Variants in FAM193A observed in about 807,000 individuals in gnomAD.
FAM193A encodes the protein family with sequence similarity 193 member A.
Under a neutral mutation model 126.5 loss-of-function variants are expected in FAM193A, and 22 were observed. The ratio of observed to expected loss-of-function variants is 0.17; its 90% CI spans 0.12 to 0.25. The LOEUF (loss-of-function observed/expected upper bound fraction) is 0.25. Among genes scored for constraint, FAM193A ranks in the 10% least tolerant of loss-of-function variants. The pLI is 1.00. For synonymous variants in FAM193A, 761 were observed against 646.8 expected (o/e 1.18, Z -2.68); for missense variants, 1,675 against 1,672.8 (o/e 1.00, Z -0.02).
chr4:2,659,846 C>G lies in FAM193A; in HGVS notation c.1537C>G (p.Leu513Val). The change falls in exon 10 of 21, where the codon CTC becomes GTC. Residue 513 changes from leucine (L) to valine (V), a missense_variant. Leu to Val is a conservative substitution (Grantham distance 32, BLOSUM62 1). Around this residue, in one of 4 missense-constraint regions of FAM193A, gnomAD observed 1,186 missense variants for 1,109.2 expected, o/e 1.07. Transcript: ENST00000637812. ...CGATGACTGCAGTCTCTCACACATC[C>G]TCACGTGTGGTATCATGGACCCCCC... Reference protein sequence around the residue: ...ACDDCSLSHILTCGIMDPPVT... With the variant: ...ACDDCSLSHIVTCGIMDPPVT... 1 of 1,614,062 alleles carries G rather than the reference C, an allele frequency of 6.2e-7. No homozygotes were observed. Among genetic ancestry groups the G allele is most frequent in the Non-Finnish European group, 8.5e-7 (1 of 1,179,952 alleles).
Position 2,561,309 on chromosome 4 carries a change from G to A in FAM193A, c.255+24139G>A, listed in dbSNP as rs182401927. On this transcript the variant is annotated intron_variant, in intron 1 of 20. Transcript: ENST00000637812. ...CAGTTCTCCCATGTCAGCCTCCTGAGTAGCTGGGAGTACAGGTGCGTACAA... is the reference window on the plus strand; with the variant it reads ...CAGTTCTCCCATGTCAGCCTCCTGAATAGCTGGGAGTACAGGTGCGTACAA... 2.3e-4 allele frequency among the ~76,000 whole-genome samples: 34 copies of A among 150,374 alleles called. No homozygotes were observed. The Admixed American group carries it at 2.3e-3, about 10-fold the overall frequency.
At chr4:2,730,917 C>T (rs1385129669) in intron 20 of FAM193A, among the ~76,000 whole-genome samples, 1 of 151,942 alleles carries the variant, frequency 6.6e-6, no homozygotes, top group African/African-American at 2.4e-5. Flanking sequence ...CTAGGTGTGG[C>T]CAGGCACAGT....
chr4:2,537,550 AC>A (rs1322641623), intron 1 of FAM193A, among the ~76,000 whole-genome samples: 8 of 152,134 alleles, frequency 5.3e-5, no homozygotes, highest in Admixed American at 4.6e-4. Context: ...GGCGGGTGAT[AC>A]CCGCGAGGCC....
intron 15 of FAM193A, among the ~76,000 whole-genome samples, chr4:2,692,032 C>T (rs533293285): frequency 1.3e-5 from 2 of 152,292 alleles, no homozygotes; most frequent in East Asian, 1.9e-4. Context: ...TGGAGTATTT[C>T]TACTGTTCAA....
chr4:2,537,331 G>A (rs985487758), intron 1 of FAM193A, among the ~76,000 whole-genome samples, 161 bp downstream of exon 1: 2 of 152,112 alleles, frequency 1.3e-5, no homozygotes, highest in Non-Finnish European at 2.9e-5. Flanking sequence ...CCGAGGTCCC[G>A]GGGCAGGGCG....
intron 1 of FAM193A, among the ~76,000 whole-genome samples, chr4:2,595,595 G>A (rs907103395): frequency 7.2e-5 from 11 of 152,180 alleles, no homozygotes; most frequent in Non-Finnish European, 1.3e-4. Context: ...CTGGGCCTTG[G>A]ATGTGCAGCT....
At chr4:2,590,326 G>C (rs567209753) in intron 1 of FAM193A, among the ~76,000 whole-genome samples, 1 of 150,606 alleles carries the variant, frequency 6.6e-6, no homozygotes, top group East Asian at 2.0e-4. Context: ...CTGTCTGGGC[G>C]TGGTGGCTCC....
intron 20 of FAM193A, among the ~76,000 whole-genome samples, chr4:2,722,287 G>A (rs1022488600): frequency 2.0e-5 from 3 of 152,164 alleles, no homozygotes; most frequent in East Asian, 1.9e-4. Context: ...ACTGTGTCTC[G>A]GGTGCAGGTG....
intron 2 of FAM193A, among the ~76,000 whole-genome samples, chr4:2,608,892 C>CTTT (rs747565544): frequency 6.5e-4 from 90 of 138,114 alleles, no homozygotes; most frequent in African/African-American, 1.8e-3. Flanking sequence ...TGAATTTCAC[C>CTTT]TTTTTTTTTT....
At chr4:2,645,103 G>T (rs576050840) in intron 6 of FAM193A, among the ~76,000 whole-genome samples, 1 of 151,652 alleles carries the variant, frequency 6.6e-6, no homozygotes, top group Non-Finnish European at 1.5e-5. Context: ...CAAGTATCTG[G>T]TTACCAAGTA....
chr4:2,554,858 C>T (rs762516431), intron 1 of FAM193A, among the ~76,000 whole-genome samples: 4 of 152,084 alleles, frequency 2.6e-5, no homozygotes, highest in Non-Finnish European at 4.4e-5. Flanking sequence ...TCTCTAAAGT[C>T]GCTTTTGTCT....
chr4:2,583,072 G>A (rs79233375), intron 1 of FAM193A, among the ~76,000 whole-genome samples: 4,794 of 152,242 alleles, frequency 0.031, 86 homozygotes, highest in South Asian at 0.071. Context: ...GGGTTCAAGC[G>A]ATTCTCCTGC....
chr4:2,606,596 A>C (rs1442357002), intron 2 of FAM193A, among the ~76,000 whole-genome samples: 1 of 152,198 alleles, frequency 6.6e-6, no homozygotes, highest in Non-Finnish European at 1.5e-5. Flanking sequence ...CTGTTATGTG[A>C]AAGTCCATTG....
At chr4:2,605,827 C>T (rs1404000372) in intron 2 of FAM193A, among the ~76,000 whole-genome samples, 1 of 151,582 alleles carries the variant, frequency 6.6e-6, no homozygotes, top group Non-Finnish European at 1.5e-5. Context: ...CAAAATTAGC[C>T]CGTCATGGTG....
intron 1 of FAM193A, among the ~76,000 whole-genome samples, chr4:2,550,390 A>C (rs1405433081): frequency 6.6e-6 from 1 of 150,570 alleles, no homozygotes; most frequent in African/African-American, 2.4e-5. Flanking sequence ...TTGGATATTG[A>C]ACCAGCTTTA....
Position 2,693,617 on chromosome 4 carries a change from C to G in FAM193A, c.2835C>G (p.Asp945Glu). 1 of 1,613,788 alleles carries G rather than the reference C, an allele frequency of 6.2e-7. No individual in the cohort carries two copies. The highest frequency in any genetic ancestry group is 8.5e-7 in the Non-Finnish European group (1 of 1,179,786). ...TGTTTCATGGCATCAGCAAGGAGGA[C>G]CACAGACACTCGGCCCCAGCCGCCC... is the stretch of plus-strand genomic sequence containing the variant. ...GDVFHGISKE[D>E]HRHSAPAAPR... is the part of the protein sequence containing the mutation. Residue 945 changes from aspartate (D) to glutamate (E), a missense_variant, in exon 16 of 21, where the codon GAC (aspartate) becomes GAG (glutamate). Around this residue, in one of 4 missense-constraint regions of FAM193A, gnomAD observed 1,186 missense variants for 1,109.2 expected, o/e 1.07. Coordinates refer to ENST00000637812, the MANE Select transcript of FAM193A (RefSeq NM_001366318.2).
intron 10 of FAM193A, among the ~76,000 whole-genome samples, chr4:2,660,965 G>A (rs1047022297): frequency 6.6e-6 from 1 of 152,334 alleles, no homozygotes; most frequent in Middle Eastern, 3.4e-3. Context: ...ACAAGAAAGA[G>A]TGTTGACATT....
chr4:2,616,453 CT>C (rs758737290), intron 2 of FAM193A, among the ~76,000 whole-genome samples: 11 of 152,170 alleles, frequency 7.2e-5, no homozygotes, highest in Non-Finnish European at 1.2e-4. Context: ...TATTTACACT[CT>C]TTCCATTTAA....
intron 13 of FAM193A, among the ~76,000 whole-genome samples, chr4:2,688,116 C>T (rs1206661865): frequency 6.6e-6 from 1 of 152,156 alleles, no homozygotes; most frequent in East Asian, 1.9e-4. Flanking sequence ...AGACAGAAGT[C>T]CTGCTGAGGG....
Sources: gnomAD v4.1 joint callset for allele counts (sites outside exome capture counted in the v4.1 genomes callset) on GRCh38, gnomAD v4.1.1 for gene constraint, gnomAD v4.1.1 regional missense constraint, MANE v1.5 for transcripts, NCBI Gene and HGNC (gene_info 2026-07-23, HGNC 2026-07-21) for gene names.